RUNX3: variants seen among roughly 807,000 people sequenced by gnomAD.
RUNX3 encodes the protein RUNX family transcription factor 3, also known as runt-related transcription factor 3.
A neutral mutation model predicts 27.7 loss-of-function variants in RUNX3; 10 were observed. The observed-to-expected ratio is 0.36, with a 90% CI of 0.22 to 0.61. RUNX3 has a LOEUF of 0.61. Among genes scored for constraint, RUNX3 ranks in the 20% least tolerant of loss-of-function variants. The probability of loss-of-function intolerance (pLI) is 0.72; values close to 1 mark genes in which losing one functional copy is unlikely to be tolerated. For missense variants in RUNX3, 469 were observed against 629.5 expected (o/e 0.75, Z 2.73); for synonymous variants, 270 against 269.2 (o/e 1.00, Z -0.03).
intron 3 of RUNX3, among the ~76,000 whole-genome samples, chr1:24,909,247 G>A (rs761716624): frequency 2.6e-5 from 4 of 152,130 alleles, no homozygotes; most frequent in Non-Finnish European, 5.9e-5. Context: ...CAAGCAACAC[G>A]TGAATATTTA....
At position 24,902,802 on chromosome 1, in the gene RUNX3, G is replaced by A; in HGVS notation, c.704-136C>T. On this transcript the variant is annotated intron_variant, in intron 4 of 4. Transcript: ENST00000308873. The surrounding 1 kb of genome is among the most constrained non-coding windows in gnomAD (Gnocchi z 9.2). Reference sequence around the variant, plus strand: ...TTCTAGACCTGGCTCTCCTCTTCCTGCCCTAGGCTGCCCGGGGCCTCCCCC... The same window carrying A: ...TTCTAGACCTGGCTCTCCTCTTCCTACCCTAGGCTGCCCGGGGCCTCCCCC... 1 of 674,124 alleles carries A rather than the reference G, an allele frequency of 1.5e-6. No individual in the cohort carries two copies. 41.8% of individuals were successfully genotyped at this position (674,124 alleles called of 1,614,324 possible). A position where few individuals can be genotyped will look rare whatever the true frequency, so the allele number is the denominator to read the frequency against.
intron 3 of RUNX3, among the ~76,000 whole-genome samples, chr1:24,908,536 C>T (rs1018225762): frequency 6.6e-6 from 1 of 152,012 alleles, no homozygotes; most frequent in South Asian, 2.1e-4. Context: ...TGGGGTGGCA[C>T]AAGCCTGTAG....
At position 24,902,522 on chromosome 1, in the gene RUNX3, G is replaced by T. The variant is rs746774033; in HGVS notation, c.848C>A (p.Thr283Lys). 6.3e-7 allele frequency: 1 copy of T among 1,596,648 alleles called. No individual in the cohort carries two copies. The change falls in exon 5 of 5, where the codon ACG becomes AAG. Residue 283 changes from threonine (T) to lysine (K), a missense_variant. By Grantham distance (78) the Thr-to-Lys change is moderately conservative. Coordinates refer to ENST00000308873, the MANE Select transcript of RUNX3 (RefSeq NM_004350.3). The surrounding 1 kb of genome is among the most constrained non-coding windows in gnomAD (Gnocchi z 9.2). ...AMSAAFPYSATPSGTSISSLS... is the reference protein window; with the variant it reads ...AMSAAFPYSAKPSGTSISSLS... ...GCTGCTGATGCTCGTGCCCGAGGGCGTGGCGCTGTAGGGGAAGGCAGCTGA... is the reference window on the plus strand; with the variant it reads ...GCTGCTGATGCTCGTGCCCGAGGGCTTGGCGCTGTAGGGGAAGGCAGCTGA...
intron 2 of RUNX3, among the ~76,000 whole-genome samples, chr1:24,935,683 G>A (rs1641331394): frequency 6.6e-6 from 1 of 152,180 alleles, no homozygotes; most frequent in Non-Finnish European, 1.5e-5. Context: ...GTAAATCAGG[G>A]AAATACTTCT....
rs1400803121 is a variant in RUNX3 at position 24,900,437 on chromosome 1, C to T, written c.*1685G>A. 4 of 152,338 alleles carry T rather than the reference C, an allele frequency of 2.6e-5. No homozygotes were observed. The highest frequency in any genetic ancestry group is 1.9e-4 in the East Asian group (1 of 5,326). 9.4% of individuals were successfully genotyped at this position (152,338 alleles called of 1,614,324 possible). ...AGGCCGAGGCAGAAAGTTAAAATACCGCATGCTGCTAGCCTTTATGAGTTC... is the reference window on the plus strand; with the variant it reads ...AGGCCGAGGCAGAAAGTTAAAATACTGCATGCTGCTAGCCTTTATGAGTTC... On this transcript the variant is annotated 3_prime_UTR_variant, in exon 5 of 5. Coordinates refer to ENST00000308873, the MANE Select transcript of RUNX3 (RefSeq NM_004350.3).
In RUNX3 at chr1:24,927,449, T is replaced by A. The variant is rs1248491168; in HGVS notation, c.439+125A>T. 2 of 863,194 alleles carry A rather than the reference T, an allele frequency of 2.3e-6. No individual in the cohort carries two copies. The highest frequency in any genetic ancestry group is 2.1e-5 in the Admixed American group (1 of 47,968). The allele number at this position is 863,194 out of a possible 1,614,324, so 53.5% of individuals were successfully genotyped here. A position where few individuals can be genotyped will look rare whatever the true frequency, so the allele number is the denominator to read the frequency against. On this transcript the variant is annotated intron_variant, in intron 2 of 4. Transcript: ENST00000308873. This position sits in a 1 kb window ranked among gnomAD's most constrained non-coding sequence, Gnocchi z 5.0. ...AATATCCTACAGGATTACAAATTGC[T>A]GTTTTTAGACAGAGCTGCATCTGGA...
rs1156362568 is a variant in RUNX3, at chr1:24,901,982, C to T, written c.*140G>A. 8 of 767,962 alleles carry T rather than the reference C, an allele frequency of 1.0e-5. No individual in the cohort carries two copies. Among genetic ancestry groups the T allele is most frequent in the African/African-American group, 1.8e-5 (1 of 56,854 alleles). The allele number at this position is 767,962 out of a possible 1,614,324, so 47.6% of individuals were successfully genotyped here. A position where few individuals can be genotyped will look rare whatever the true frequency, so the allele number is the denominator to read the frequency against. ...CTGCACAGATGCAGCCAGAGGCTCC[C>T]ACCAGCTGGGACCACCCTGGGACCG... is the stretch of plus-strand genomic sequence containing the variant. On this transcript the variant is annotated 3_prime_UTR_variant, in exon 5 of 5. Coordinates refer to ENST00000308873, the MANE Select transcript of RUNX3 (RefSeq NM_004350.3).
At chr1:24,942,767 G>T (rs1641509252) in intron 2 of RUNX3, among the ~76,000 whole-genome samples, 1 of 152,228 alleles carries the variant, frequency 6.6e-6, no homozygotes, top group South Asian at 2.1e-4. Flanking sequence ...GACCTGCAGT[G>T]CAGGAAACTG....
chr1:24,916,220 C>T lies in RUNX3; in HGVS notation c.544+3020G>A, dbSNP rs1640886315. On this transcript the variant is annotated intron_variant, in intron 3 of 4. Coordinates refer to ENST00000308873, the MANE Select transcript of RUNX3 (RefSeq NM_004350.3). The surrounding 1 kb of genome is among the most constrained non-coding windows in gnomAD (Gnocchi z 4.8). ...AGCCGGGAAAGGAAGTCCAGGAGCACAAAAGGCCTGTAACAACCTGTGAAG... is the reference window on the plus strand; with the variant it reads ...AGCCGGGAAAGGAAGTCCAGGAGCATAAAAGGCCTGTAACAACCTGTGAAG... Among the ~76,000 whole-genome samples the T allele has an allele frequency of 6.6e-6, 1 of 152,236 alleles. No homozygotes were observed. The highest frequency in any genetic ancestry group is 6.5e-5 in the Admixed American group (1 of 15,288).
At chr1:24,963,890 A>G (rs1642184269) in intron 2 of RUNX3, among the ~76,000 whole-genome samples, 2 of 152,120 alleles carry the variant, frequency 1.3e-5, no homozygotes, top group South Asian at 2.1e-4. Context: ...CTGCCCAGAA[A>G]CACTTTCTCC....
At chr1:24,952,965 G>A (rs1249298406) in intron 2 of RUNX3, among the ~76,000 whole-genome samples, 2 of 151,244 alleles carry the variant, frequency 1.3e-5, no homozygotes, top group African/African-American at 2.4e-5. Context: ...TTTTTTTTCC[G>A]GTAGCATTGA....
rs924060296 is a variant in RUNX3, at chr1:24,899,928, C to G, written c.*2194G>C. On this transcript the variant is annotated 3_prime_UTR_variant, in exon 5 of 5. Transcript: ENST00000308873. ...CACTTTGGGCCTTACAGACTCAGTACGGCTGCCGTCACTTTTTGTCAGGGG... is the reference window on the plus strand; with the variant it reads ...CACTTTGGGCCTTACAGACTCAGTAGGGCTGCCGTCACTTTTTGTCAGGGG... The G allele has an allele frequency of 2.0e-5, 3 of 152,410 alleles. No homozygotes were observed. The highest frequency in any genetic ancestry group is 7.2e-5 in the African/African-American group (3 of 41,438). The allele number at this position is 152,410 out of a possible 1,614,324, so 9.4% of individuals were successfully genotyped here.
intron 2 of RUNX3, among the ~76,000 whole-genome samples, chr1:24,922,805 A>AG: frequency 6.6e-6 from 1 of 151,540 alleles, no homozygotes; most frequent in African/African-American, 2.4e-5. Flanking sequence ...AAAAAAAAAA[A>AG]AAGCGCTAAG....
chr1:24,933,563 C>A (rs542150322), upstream of RUNX3, among the ~76,000 whole-genome samples: 1 of 152,168 alleles, frequency 6.6e-6, no homozygotes, highest in Non-Finnish European at 1.5e-5. Flanking sequence ...TCCCTCAATT[C>A]GCCCACAGGC....
rs934887294 is a variant in RUNX3, at chr1:24,927,136, G to C, written c.439+438C>G. 3.9e-5 allele frequency among the ~76,000 whole-genome samples: 6 copies of C among 152,240 alleles called. No individual in the cohort carries two copies. Among genetic ancestry groups the C allele is most frequent in the Non-Finnish European group, 8.8e-5 (6 of 68,046 alleles). On this transcript the variant is annotated intron_variant, in intron 2 of 4. Transcript: ENST00000308873. This position sits in a 1 kb window ranked among gnomAD's most constrained non-coding sequence, Gnocchi z 5.0. ...CCACAGCTGGAGAGACAGCCTCAGA[G>C]TGTGGGGGATATTCTGCCCCCTATG...
At chr1:24,957,376 CCATCCATT>C (rs1641967256) in intron 2 of RUNX3, among the ~76,000 whole-genome samples, 1 of 151,772 alleles carries the variant, frequency 6.6e-6, no homozygotes. Context: ...ATCCATCCAT[CCATCCATT>C]CTTTCTTTCT....
chr1:24,908,116 G>A (rs1000381190), intron 3 of RUNX3, among the ~76,000 whole-genome samples: 4 of 139,804 alleles, frequency 2.9e-5, no homozygotes, highest in Non-Finnish European at 3.1e-5. Flanking sequence ...TACGACACGC[G>A]GTGATCCAAA....
chr1:24,902,380 G>C lies in RUNX3; in HGVS notation c.990C>G (p.Tyr330Ter). 6.2e-7 allele frequency: 1 copy of C among 1,612,606 alleles called. No homozygotes were observed. The highest frequency in any genetic ancestry group is 8.5e-7 in the Non-Finnish European group (1 of 1,179,870). Residue 330 changes from tyrosine to a stop codon, truncating the protein, a stop_gained, in exon 5 of 5, where the codon TAC becomes TAG. Coordinates refer to ENST00000308873, the MANE Select transcript of RUNX3 (RefSeq NM_004350.3). LOFTEE classifies it high-confidence loss of function. The surrounding 1 kb of genome is among the most constrained non-coding windows in gnomAD (Gnocchi z 9.2). ...SGPFQANPSP[Y>*]HLYYGTSSGS... The stretch of plus-strand genomic sequence containing the variant: ...CAGAGGATGTCCCGTAGTAGAGGTG[G>C]TAGGGGGACGGGTTGGCCTGGAAGG...
At chr1:24,958,581 G>A (rs1642012579) in intron 2 of RUNX3, among the ~76,000 whole-genome samples, 1 of 152,218 alleles carries the variant, frequency 6.6e-6, no homozygotes, top group African/African-American at 2.4e-5. Context: ...CATCCCCACT[G>A]TGTCCAGGGG....
Sources: allele counts gnomAD v4.1 joint callset (sites outside exome capture counted in the v4.1 genomes callset), GRCh38; gene constraint gnomAD v4.1.1; non-coding constraint Gnocchi (gnomAD v3.1); transcripts MANE v1.5; gene names NCBI Gene and HGNC (gene_info 2026-07-23, HGNC 2026-07-21).